Variants in TRMT11 observed in about 807,000 individuals in gnomAD.
TRMT11 encodes the protein tRNA (guanine(10)-N(2))-methyltransferase TRMT11.
In TRMT11, 53 loss-of-function variants were observed where a neutral mutation model predicts 62.8. That is an observed-to-expected ratio of 0.84 (90% confidence interval 0.68 to 1.06). The LOEUF is 1.06. Ranked by LOEUF, TRMT11 falls within the 50% of genes least tolerant of loss-of-function variation. The probability of loss-of-function intolerance (pLI) is 0.00; values close to 1 mark genes in which losing one functional copy is unlikely to be tolerated. For synonymous variants in TRMT11, 188 were observed against 190.3 expected (o/e 0.99, Z 0.10); for missense variants, 556 against 553.4 (o/e 1.00, Z -0.05).
the TRMT11 span, among the ~76,000 whole-genome samples, chr6:126,264,851 C>T: frequency 6.6e-6 from 1 of 151,968 alleles, no homozygotes; most frequent in African/African-American, 2.4e-5. Flanking sequence ...TTCATCAAGC[C>T]AAAATCATAT....
Position 126,064,033 on chromosome 6 carries a change from TG to T in TRMT11, c.*1437+10844del, listed in dbSNP as rs1776615431. 5.9e-5 allele frequency among the ~76,000 whole-genome samples: 9 copies of T among 152,236 alleles called. No individual in the cohort carries two copies. The South Asian group carries it at 1.9e-3, about 32-fold the overall frequency. On this transcript the variant is annotated intron_variant and NMD_transcript_variant, in intron 17 of 22. Transcript: ENST00000648977. Reference sequence around the variant, plus strand: ...ATTTGGCATCTTACATTTCTGAAGCTGCCATTGCAGGGTTCCTTCAGTCAGT... The same window carrying T: ...ATTTGGCATCTTACATTTCTGAAGCTCCATTGCAGGGTTCCTTCAGTCAGT...
intron 17 of TRMT11, among the ~76,000 whole-genome samples, chr6:126,100,232 A>G (rs538306614): frequency 1.3e-5 from 2 of 152,168 alleles, no homozygotes; most frequent in Non-Finnish European, 2.9e-5. Context: ...ATATAAGAGG[A>G]TCATTTTTGC....
intron 21 of TRMT11, among the ~76,000 whole-genome samples, chr6:126,119,637 A>G (rs1777628518): frequency 6.6e-6 from 1 of 152,096 alleles, no homozygotes; most frequent in African/African-American, 2.4e-5. Flanking sequence ...GGACTCAAAT[A>G]TGCCTGTTTA....
the TRMT11 span, among the ~76,000 whole-genome samples, chr6:126,230,033 C>G: frequency 3.3e-5 from 5 of 152,072 alleles, no homozygotes; most frequent in Non-Finnish European, 7.4e-5. Context: ...TATACCAAAC[C>G]TCTGTCATGC....
intron 17 of TRMT11, among the ~76,000 whole-genome samples, chr6:126,068,976 G>A (rs560019632): frequency 6.6e-6 from 1 of 152,338 alleles, no homozygotes; most frequent in East Asian, 1.9e-4. Flanking sequence ...TGGGCCAGCA[G>A]TTGTCCAGGC....
the TRMT11 span, among the ~76,000 whole-genome samples, chr6:126,237,675 G>A: frequency 6.6e-6 from 1 of 151,670 alleles, no homozygotes; most frequent in Admixed American, 6.6e-5. Context: ...GGTGAGACCG[G>A]GTCTCATAAA....
chr6:126,165,227 G>A (rs1778244698), intron 21 of TRMT11, among the ~76,000 whole-genome samples: 1 of 151,134 alleles, frequency 6.6e-6, no homozygotes, highest in Non-Finnish European at 1.5e-5. Context: ...GCACTGAGCC[G>A]AGATGGGTGC....
chr6:126,198,014 C>T (rs1778686215), intron 1 of TRMT11, among the ~76,000 whole-genome samples: 1 of 152,084 alleles, frequency 6.6e-6, no homozygotes, highest in Non-Finnish European at 1.5e-5. Context: ...TCAACTTGAT[C>T]TGGAGTGGAA....
intron 16 of TRMT11, among the ~76,000 whole-genome samples, chr6:126,046,767 G>A (rs944841222): frequency 8.5e-5 from 13 of 152,152 alleles, no homozygotes; most frequent in African/African-American, 3.1e-4. Context: ...ATGACCACAG[G>A]TCAACTTGTG....
chr6:126,135,916 G>T (rs1207306755), intron 21 of TRMT11, among the ~76,000 whole-genome samples: 1 of 151,732 alleles, frequency 6.6e-6, no homozygotes, highest in Non-Finnish European at 1.5e-5. Context: ...TGCTGAAAAA[G>T]CACTTGATAA....
At chr6:126,191,989 C>A (rs149971157) in intron 1 of TRMT11, among the ~76,000 whole-genome samples, 1 of 152,150 alleles carries the variant, frequency 6.6e-6, no homozygotes, top group Non-Finnish European at 1.5e-5. Flanking sequence ...TGATGACTTT[C>A]ATTGGTAATT....
the TRMT11 span, among the ~76,000 whole-genome samples, chr6:126,213,347 T>C: frequency 1.3e-5 from 2 of 152,274 alleles, no homozygotes; most frequent in East Asian, 3.9e-4. Context: ...ATTGAATCTG[T>C]AGCTTGCTTT....
At chr6:126,074,211 C>T (rs559684370) in intron 17 of TRMT11, among the ~76,000 whole-genome samples, 11 of 152,142 alleles carry the variant, frequency 7.2e-5, no homozygotes, top group South Asian at 2.1e-4. Flanking sequence ...ATATGAAACA[C>T]GGAGGACAAT....
the TRMT11 span, among the ~76,000 whole-genome samples, chr6:126,212,347 A>T: frequency 6.6e-6 from 1 of 152,144 alleles, no homozygotes; most frequent in Non-Finnish European, 1.5e-5. Flanking sequence ...GAAACTACAA[A>T]CTGTTCTCCA....
At chr6:126,020,612 TA>T (rs1795679303) in intron 11 of TRMT11, among the ~76,000 whole-genome samples, 1 of 152,270 alleles carries the variant, frequency 6.6e-6, no homozygotes, top group Admixed American at 6.5e-5. Flanking sequence ...AGTTGTAGTT[TA>T]TTTGAATAAT....
At chr6:126,190,246 C>A (rs979735098) in intron 1 of TRMT11, among the ~76,000 whole-genome samples, 1 of 152,092 alleles carries the variant, frequency 6.6e-6, no homozygotes, top group Non-Finnish European at 1.5e-5. Context: ...GTGTTCCAAC[C>A]CAAATCACAT....
the TRMT11 span, among the ~76,000 whole-genome samples, chr6:126,225,979 C>T: frequency 6.7e-6 from 1 of 150,022 alleles, no homozygotes. Context: ...GGCGTGAGTA[C>T]CGCGCCTGGC....
chr6:126,242,660 C>A, the TRMT11 span, among the ~76,000 whole-genome samples: 2 of 152,182 alleles, frequency 1.3e-5, no homozygotes, highest in East Asian at 3.9e-4. Context: ...CTTTGAGAAA[C>A]CTGACAAAAA....
At chr6:126,101,794 T>C (rs1362566738) in intron 17 of TRMT11, among the ~76,000 whole-genome samples, 4 of 152,348 alleles carry the variant, frequency 2.6e-5, no homozygotes, top group Admixed American at 2.0e-4. Flanking sequence ...TGATTTCCTA[T>C]TGGCATCTCC....
Sources: allele counts gnomAD v4.1 joint callset (sites outside exome capture counted in the v4.1 genomes callset), GRCh38; gene constraint gnomAD v4.1.1; transcripts MANE v1.5; gene names NCBI Gene and HGNC (gene_info 2026-07-23, HGNC 2026-07-21).